PDE4B: variants seen among roughly 807,000 people sequenced by gnomAD.
The protein encoded by PDE4B is 3',5'-cyclic-AMP phosphodiesterase 4B.
A neutral mutation model predicts 82.2 loss-of-function variants in PDE4B; 20 were observed. The observed-to-expected ratio is 0.24, with a 90% CI of 0.17 to 0.35. PDE4B has a LOEUF of 0.35. Ranked by LOEUF, PDE4B falls within the 10% of genes least tolerant of loss-of-function variation. The pLI is 1.00. For missense variants in PDE4B, 655 were observed against 907.2 expected (o/e 0.72, Z 3.57); for synonymous variants, 320 against 318.9 (o/e 1.00, Z -0.04).
chr1:65,866,564 G>A lies in PDE4B; in HGVS notation c.-70-46681G>A, dbSNP rs180907707. Among the ~76,000 whole-genome samples the A allele has an allele frequency of 2.0e-5, 3 of 152,226 alleles. No homozygotes were observed. In the East Asian group the frequency reaches 5.8e-4, roughly 29 times the overall value. On this transcript the variant is annotated intron_variant, in intron 1 of 16. Transcript: ENST00000341517. ...TTTTTTTTGCTTTTAGACAATATGTGTGACAAAACTAACTGACAAAATATG... is the reference window on the plus strand; with the variant it reads ...TTTTTTTTGCTTTTAGACAATATGTATGACAAAACTAACTGACAAAATATG...
At position 66,247,664 on chromosome 1, in the gene PDE4B, A is replaced by G. The variant is rs778346906; in HGVS notation, c.476+10A>G. On this transcript the variant is annotated intron_variant, in intron 4 of 16. Coordinates refer to ENST00000341517, the MANE Select transcript of PDE4B (RefSeq NM_002600.4). ...CTCTTCCAAGCGAGCAGTAAGTACA[A>G]GCTCTGTCTGGCTTCCAGTTTCACA... 3 of 1,544,882 alleles carry G rather than the reference A, an allele frequency of 1.9e-6. No homozygotes were observed. The highest frequency in any genetic ancestry group is 2.8e-5 in the African/African-American group (2 of 72,618).
chr1:66,014,994 A>C (rs1275673390), intron 3 of PDE4B, among the ~76,000 whole-genome samples: 1 of 152,166 alleles, frequency 6.6e-6, no homozygotes, highest in Non-Finnish European at 1.5e-5. Context: ...ATCATTGCAC[A>C]GGTGACTACC....
chr1:66,338,636 A>G (rs1489895237), intron 8 of PDE4B, among the ~76,000 whole-genome samples: 2 of 152,226 alleles, frequency 1.3e-5, no homozygotes, highest in African/African-American at 4.8e-5. Flanking sequence ...ATAGCCTAAG[A>G]TAAGATAGTA....
At chr1:66,051,593 T>C (rs1195059093) in intron 3 of PDE4B, among the ~76,000 whole-genome samples, 5 of 152,106 alleles carry the variant, frequency 3.3e-5, no homozygotes, top group Admixed American at 3.3e-4. Flanking sequence ...ACATTTATTA[T>C]ATATATGTAA....
chr1:66,341,315 T>C (rs1216479388), intron 8 of PDE4B, among the ~76,000 whole-genome samples: 1 of 152,256 alleles, frequency 6.6e-6, no homozygotes, highest in Non-Finnish European at 1.5e-5. Flanking sequence ...GGCTTACTGT[T>C]CATCTTCAGC....
In PDE4B at chr1:66,102,354, T is replaced by G. The variant is rs1273441393; in HGVS notation, c.282-145106T>G. ...CCTAAATATTCTTTATTTTGAAATGTGATGAAAATGTAACTAGTACCAGAC... is the reference window on the plus strand; with the variant it reads ...CCTAAATATTCTTTATTTTGAAATGGGATGAAAATGTAACTAGTACCAGAC... On this transcript the variant is annotated intron_variant, in intron 3 of 16. Coordinates refer to ENST00000341517, the MANE Select transcript of PDE4B (RefSeq NM_002600.4). 2.0e-5 allele frequency among the ~76,000 whole-genome samples: 3 copies of G among 152,134 alleles called. 1 individual carries two copies. The South Asian group carries it at 6.2e-4, about 31-fold the overall frequency.
chr1:65,929,062 A>AT (rs1647678727), intron 3 of PDE4B, among the ~76,000 whole-genome samples: 3 of 151,876 alleles, frequency 2.0e-5, no homozygotes, highest in African/African-American at 7.3e-5. Context: ...AGTGTAGCGC[A>AT]CCTCCTCATG....
chr1:65,849,366 C>T (rs1305437497), intron 1 of PDE4B, among the ~76,000 whole-genome samples: 5 of 152,256 alleles, frequency 3.3e-5, no homozygotes. Flanking sequence ...AGCAGGTTCA[C>T]AGTGGCACTC....
At chr1:66,052,132 C>T (rs1439701901) in intron 3 of PDE4B, among the ~76,000 whole-genome samples, 1 of 152,154 alleles carries the variant, frequency 6.6e-6, no homozygotes, top group Non-Finnish European at 1.5e-5. Flanking sequence ...AACTTCAATT[C>T]ACAGTCTGAT....
In PDE4B at chr1:65,862,444, G is replaced by A. The variant is rs146529363; in HGVS notation, c.-70-50801G>A. Among the ~76,000 whole-genome samples, 558 of 152,210 alleles carry A rather than the reference G, an allele frequency of 3.7e-3. 3 individuals carry two copies. Among genetic ancestry groups the A allele is most frequent in the African/African-American group, 0.013 (527 of 41,548 alleles). ...AGCTTTTTGATGTGCAACTGGATTC[G>A]GTTTGCCAGTATTTTATTGAGGATT... On this transcript the variant is annotated intron_variant, in intron 1 of 16. Coordinates refer to ENST00000341517, the MANE Select transcript of PDE4B (RefSeq NM_002600.4).
intron 3 of PDE4B, among the ~76,000 whole-genome samples, chr1:66,179,918 T>C (rs1647024649): frequency 6.6e-6 from 1 of 152,200 alleles, no homozygotes. Context: ...AGGAAGGAAA[T>C]GGGGCCTAAT....
At chr1:66,281,214 C>G (rs1656276988) in intron 7 of PDE4B, among the ~76,000 whole-genome samples, 1 of 152,252 alleles carries the variant, frequency 6.6e-6, no homozygotes, top group Admixed American at 6.5e-5. Flanking sequence ...TCTACAATTC[C>G]CTTTTCTAAA....
At chr1:66,224,372 C>A (rs1439786084) in intron 3 of PDE4B, among the ~76,000 whole-genome samples, 1 of 152,180 alleles carries the variant, frequency 6.6e-6, no homozygotes, top group Admixed American at 6.5e-5. Context: ...CTGGTCAGAT[C>A]AATTCTTGCC....
intron 8 of PDE4B, chr1:66,354,808 A>G: frequency 6.5e-7 from 1 of 1,535,204 alleles, no homozygotes; most frequent in Non-Finnish European, 8.7e-7. Flanking sequence ...GAATTCTTTC[A>G]AAGGGATTTG....
chr1:66,365,943 T>G (rs190941741), intron 13 of PDE4B, among the ~76,000 whole-genome samples, 177 bp downstream of exon 13: 31 of 152,324 alleles, frequency 2.0e-4, no homozygotes, highest in Admixed American at 1.4e-3. Context: ...CAACACAATG[T>G]TTGAGCTGCA....
At chr1:65,888,322 A>C (rs1646814936) in intron 1 of PDE4B, among the ~76,000 whole-genome samples, 3 of 152,170 alleles carry the variant, frequency 2.0e-5, no homozygotes, top group Admixed American at 2.0e-4. Context: ...GTTTTTATAC[A>C]AAAACCATGC....
At chr1:66,306,419 TATA>T (rs1373404820) in intron 7 of PDE4B, among the ~76,000 whole-genome samples, 2 of 152,066 alleles carry the variant, frequency 1.3e-5, no homozygotes, top group African/African-American at 4.8e-5. Context: ...AACTCTAATT[TATA>T]ATAAGACAAA....
chr1:65,951,504 G>C (rs1937454), intron 3 of PDE4B, among the ~76,000 whole-genome samples: 48,458 of 151,912 alleles, frequency 0.32, 8,289 homozygotes, highest in East Asian at 0.46. Context: ...GACTTCAATA[G>C]TTCTGAAGGG....
chr1:66,275,396 A>C (rs1350940459), intron 7 of PDE4B, among the ~76,000 whole-genome samples: 1 of 152,218 alleles, frequency 6.6e-6, no homozygotes. Context: ...ACCCACTAGC[A>C]GAGTCTGCAG....
Sources: allele counts gnomAD v4.1 joint callset (sites outside exome capture counted in the v4.1 genomes callset), GRCh38; gene constraint gnomAD v4.1.1; transcripts MANE v1.5; gene names NCBI Gene and HGNC (gene_info 2026-07-23, HGNC 2026-07-21).